NDST1: variants seen among roughly 807,000 people sequenced by gnomAD.
The protein encoded by NDST1 is N-deacetylase and N-sulfotransferase 1.
Under a neutral mutation model 92.8 loss-of-function variants are expected in NDST1, and 35 were observed. The ratio of observed to expected loss-of-function variants is 0.38; its 90% CI spans 0.29 to 0.50. The LOEUF is 0.50. Ranked by LOEUF, NDST1 falls within the 20% of genes least tolerant of loss-of-function variation. The pLI is 0.94. For synonymous variants in NDST1, 493 were observed against 500.3 expected (o/e 0.99, Z 0.19); for missense variants, 822 against 1,182.7 (o/e 0.69, Z 4.47).
intron 1 of NDST1, among the ~76,000 whole-genome samples, chr5:150,512,718 C>T (rs1753781816): frequency 6.6e-6 from 1 of 152,228 alleles, no homozygotes; most frequent in African/African-American, 2.4e-5. Context: ...ATTTTATTAG[C>T]TTATATTACC....
rs185498471 is a variant in NDST1, at chr5:150,499,427, A to G, written c.-388+1188A>G. Among the ~76,000 whole-genome samples the G allele has an allele frequency of 2.2e-3, 328 of 152,314 alleles. 1 individual carries two copies. Among genetic ancestry groups the G allele is most frequent in the Non-Finnish European group, 3.8e-3 (259 of 68,030 alleles). On this transcript the variant is annotated intron_variant, in intron 1 of 1. Coordinates refer to the NDST1 transcript ENST00000518299. The stretch of plus-strand genomic sequence containing the variant: ...GAGTTTGCAACCCTGTCCTTAAGCT[A>G]TGAACCACTTTCTCTCCTACCTTGT...
chr5:150,543,835 A>G (rs919475751), intron 10 of NDST1, among the ~76,000 whole-genome samples: 2 of 150,500 alleles, frequency 1.3e-5, no homozygotes, highest in South Asian at 4.2e-4. Flanking sequence ...GCTGCAGTGC[A>G]GTGGCGCGAT....
At chr5:150,535,670 C>T (rs1359592612) in intron 5 of NDST1, 30 bp from the exon 6 acceptor site, 1 of 1,613,502 alleles carries the variant, frequency 6.2e-7, no homozygotes, top group Admixed American at 1.7e-5. Context: ...GACCCCTATG[C>T]TCACCCTGGC....
intron 1 of NDST1, among the ~76,000 whole-genome samples, chr5:150,520,018 C>T (rs908427393): frequency 1.3e-5 from 2 of 152,090 alleles, no homozygotes; most frequent in South Asian, 2.1e-4. Context: ...GTATGGCGAT[C>T]CTCAGGAAGG....
chr5:150,528,328 G>A (rs754820697), intron 3 of NDST1, 30 bp downstream of exon 3: 8 of 1,558,136 alleles, frequency 5.1e-6, no homozygotes, highest in Non-Finnish European at 7.0e-6. Context: ...ACCGGGCAAG[G>A]CAGGTGGGGC....
intron 1 of NDST1, among the ~76,000 whole-genome samples, chr5:150,498,907 C>G (rs563155329): frequency 3.3e-5 from 5 of 152,302 alleles, no homozygotes; most frequent in Non-Finnish European, 7.4e-5. Context: ...ATGACTTGGG[C>G]TCTTGGTCCA....
chr5:150,539,975 A>G, intron 7 of NDST1, 107 bp from the exon 8 acceptor site: 2 of 1,438,696 alleles, frequency 1.4e-6, no homozygotes, highest in Non-Finnish European at 1.9e-6. Context: ...TCCACTGGTC[A>G]TCAGGAGCCT....
chr5:150,551,092 G>A (rs769224899), intron 13 of NDST1, among the ~76,000 whole-genome samples: 46 of 152,156 alleles, frequency 3.0e-4, no homozygotes, highest in Non-Finnish European at 6.0e-4. Context: ...TCATGCTCAA[G>A]AATCTCCTCA....
At chr5:150,511,816 C>T (rs988359596) in intron 1 of NDST1, among the ~76,000 whole-genome samples, 4 of 152,060 alleles carry the variant, frequency 2.6e-5, no homozygotes, top group African/African-American at 4.8e-5. Context: ...GATGTAATCA[C>T]GCTGGAGAAA....
intron 2 of NDST1, among the ~76,000 whole-genome samples, chr5:150,523,599 C>T (rs567180516): frequency 1.8e-3 from 275 of 152,318 alleles, no homozygotes; most frequent in African/African-American, 6.4e-3. Flanking sequence ...GTCTTAACCA[C>T]GATGTGATGA....
At chr5:150,509,791 G>C (rs975938923) in intron 1 of NDST1, among the ~76,000 whole-genome samples, 2 of 152,200 alleles carry the variant, frequency 1.3e-5, no homozygotes, top group Non-Finnish European at 2.9e-5. Context: ...TTACAGGCAG[G>C]GGCCACTGCC....
chr5:150,536,528 T>C (rs1416567441), intron 6 of NDST1, among the ~76,000 whole-genome samples: 1 of 151,878 alleles, frequency 6.6e-6, no homozygotes, highest in Non-Finnish European at 1.5e-5. Context: ...AATTTTTTTT[T>C]CCCCTGGGGC....
At chr5:150,501,067 A>G (rs1309630283) in intron 1 of NDST1, among the ~76,000 whole-genome samples, 3 of 151,964 alleles carry the variant, frequency 2.0e-5, no homozygotes, top group Non-Finnish European at 4.4e-5. Flanking sequence ...ATTACCCCTC[A>G]AACATTCTCC....
chr5:150,502,957 A>G (rs754890403), intron 1 of NDST1, among the ~76,000 whole-genome samples: 7 of 152,126 alleles, frequency 4.6e-5, no homozygotes, highest in Non-Finnish European at 1.0e-4. Context: ...AGGAGGCCAC[A>G]TGGCACAGTG....
intron 1 of NDST1, among the ~76,000 whole-genome samples, chr5:150,502,549 G>GT (rs1268460896): frequency 1.3e-5 from 2 of 152,084 alleles, no homozygotes; most frequent in African/African-American, 4.8e-5. Context: ...TGGGTGCTGG[G>GT]TCCTGCATGT....
chr5:150,541,697 C>T (rs566937247), intron 9 of NDST1, 31 bp downstream of exon 9: 14 of 1,594,346 alleles, frequency 8.8e-6, no homozygotes, highest in Middle Eastern at 1.7e-4. Flanking sequence ...CCGAGCTTCC[C>T]CAACTGCCTG....
rs1179264349 is a variant in NDST1 at position 150,528,813 on chromosome 5, A to G, written c.1008+515A>G. 2.6e-5 allele frequency among the ~76,000 whole-genome samples: 4 copies of G among 152,150 alleles called. 1 individual carries two copies. Among genetic ancestry groups the G allele is most frequent in the Non-Finnish European group, 5.9e-5 (4 of 68,026 alleles). ...CTGTCTCAAAAAAATTAAAAAAATA[A>G]AACTTTATTGTATTGAAGTATTGAA... On this transcript the variant is annotated intron_variant, in intron 3 of 14. Transcript: ENST00000261797.
chr5:150,513,548 G>C (rs769188265), intron 1 of NDST1, among the ~76,000 whole-genome samples: 146 of 152,348 alleles, frequency 9.6e-4, no homozygotes, highest in Non-Finnish European at 1.7e-3. Flanking sequence ...TATGCTAGCT[G>C]TCACCACTAG....
chr5:150,547,684 G>C (rs550724700), intron 11 of NDST1, among the ~76,000 whole-genome samples: 50 of 152,296 alleles, frequency 3.3e-4, no homozygotes, highest in African/African-American at 1.2e-3. Context: ...TGGAGTTTGA[G>C]AACATTGTTT....
Sources: gnomAD v4.1 joint callset for allele counts (sites outside exome capture counted in the v4.1 genomes callset) on GRCh38, gnomAD v4.1.1 for gene constraint, MANE v1.5 for transcripts, NCBI Gene and HGNC (gene_info 2026-07-23, HGNC 2026-07-21) for gene names.